The following CDK5RAP2 variants were observed in gnomAD, a reference collection of about 807,000 sequenced individuals.
The protein encoded by CDK5RAP2 is CDK5 regulatory subunit associated protein 2.
Under a neutral mutation model 232.9 loss-of-function variants are expected in CDK5RAP2, and 147 were observed. The observed-to-expected ratio is 0.63, with a 90% CI of 0.55 to 0.72. CDK5RAP2 has a LOEUF of 0.72. Ranked by LOEUF, CDK5RAP2 falls within the 30% of genes least tolerant of loss-of-function variation. The probability of loss-of-function intolerance (pLI) is 0.00; values close to 1 mark genes in which losing one functional copy is unlikely to be tolerated. For synonymous variants in CDK5RAP2, 833 were observed against 833.7 expected (o/e 1.00, Z 0.01); for missense variants, 2,195 against 2,231.5 (o/e 0.98, Z 0.33).
At chr9:120,451,842 T>C (rs2036495574) in intron 21 of CDK5RAP2, among the ~76,000 whole-genome samples, 1 of 147,750 alleles carries the variant, frequency 6.8e-6, no homozygotes, top group Non-Finnish European at 1.5e-5. Flanking sequence ...TTGAGAATAT[T>C]AAATGAGATT....
intron 20 of CDK5RAP2, among the ~76,000 whole-genome samples, chr9:120,454,187 G>A (rs1039372688): frequency 6.6e-6 from 1 of 152,190 alleles, no homozygotes; most frequent in African/African-American, 2.4e-5. Flanking sequence ...AGAAACAAAC[G>A]GGATTATAAG....
At position 120,541,449 on chromosome 9, in the gene CDK5RAP2, C is replaced by A. The variant is rs563765657; in HGVS notation, c.384-2285G>T. On this transcript the variant is annotated intron_variant, in intron 5 of 37. Coordinates refer to ENST00000349780, the MANE Select transcript of CDK5RAP2 (RefSeq NM_018249.6). ...TTATCATCTTTGTGCTTTACAGTTT[C>A]TGTGGCAATAAAATTTATACTCAGT... Among the ~76,000 whole-genome samples, 9 of 152,284 alleles carry A rather than the reference C, an allele frequency of 5.9e-5. No individual in the cohort carries two copies. In the East Asian group the frequency reaches 1.5e-3, roughly 26 times the overall value.
intron 12 of CDK5RAP2, among the ~76,000 whole-genome samples, chr9:120,514,969 G>A (rs534324244): frequency 6.6e-6 from 1 of 151,938 alleles, no homozygotes; most frequent in Non-Finnish European, 1.5e-5. Context: ...CAGTATATAC[G>A]CTTGATGTAA....
chr9:120,511,711 C>T (rs556240868), intron 12 of CDK5RAP2, among the ~76,000 whole-genome samples: 7 of 150,372 alleles, frequency 4.7e-5, no homozygotes, highest in Admixed American at 3.3e-4. Flanking sequence ...CCCTCTTTAG[C>T]ACTGTGAAGG....
chr9:120,392,922 C>T (rs1014789102), intron 36 of CDK5RAP2, among the ~76,000 whole-genome samples: 2 of 152,202 alleles, frequency 1.3e-5, no homozygotes, highest in Non-Finnish European at 1.5e-5. Flanking sequence ...TTGTAATACA[C>T]GCATGGACCC....
chr9:120,404,167 A>G (rs1352502506), intron 32 of CDK5RAP2, 54 bp from the exon 33 acceptor site: 4 of 1,136,504 alleles, frequency 3.5e-6, no homozygotes, highest in Non-Finnish European at 5.4e-6. Flanking sequence ...AGCATTCAAG[A>G]GAGAACTGAA....
intron 37 of CDK5RAP2, among the ~76,000 whole-genome samples, 196 bp downstream of exon 37, chr9:120,389,544 AT>A (rs1383337203): frequency 6.6e-6 from 1 of 152,246 alleles, no homozygotes; most frequent in Non-Finnish European, 1.5e-5. Context: ...TAGCATACAA[AT>A]TTAAAACTTA....
Position 120,541,234 on chromosome 9 carries a change from C to T in CDK5RAP2, c.384-2070G>A, listed in dbSNP as rs575058732. On this transcript the variant is annotated intron_variant, in intron 5 of 37. Coordinates refer to ENST00000349780, the MANE Select transcript of CDK5RAP2 (RefSeq NM_018249.6). ...CTTTCCCTTACCCCTCCACCCTGCC[C>T]ACCAGAGTGCAAATAGGCCGTCTCC... 5.9e-5 allele frequency among the ~76,000 whole-genome samples: 9 copies of T among 152,300 alleles called. No homozygotes were observed. The East Asian group carries it at 1.7e-3, about 29-fold the overall frequency.
chr9:120,448,973 C>T (rs1018839383), intron 21 of CDK5RAP2, among the ~76,000 whole-genome samples: 21 of 152,192 alleles, frequency 1.4e-4, no homozygotes, highest in Admixed American at 9.2e-4. Flanking sequence ...CCACTGTCCA[C>T]GCTACAGCAA....
chr9:120,472,021 T>A, intron 15 of CDK5RAP2, 143 bp from the exon 16 acceptor site: 87 of 952,706 alleles, frequency 9.1e-5, no homozygotes, highest in Middle Eastern at 3.1e-4. Flanking sequence ...CTATAGAGAA[T>A]TTTAAATACA....
At chr9:120,491,525 A>G (rs1220508525) in intron 12 of CDK5RAP2, 48 bp from the exon 13 acceptor site, 5 of 1,367,038 alleles carry the variant, frequency 3.7e-6, no homozygotes, top group Non-Finnish European at 5.2e-6. Flanking sequence ...AAAAATTTCA[A>G]TCTCTTATGT....
chr9:120,390,499 G>A (rs995815518), intron 36 of CDK5RAP2, among the ~76,000 whole-genome samples: 6 of 152,302 alleles, frequency 3.9e-5, no homozygotes, highest in African/African-American at 1.2e-4. Context: ...AAGATCCCCC[G>A]TGCATGAGAA....
intron 2 of CDK5RAP2, among the ~76,000 whole-genome samples, chr9:120,570,187 A>C (rs1447331237): frequency 6.6e-6 from 1 of 152,162 alleles, no homozygotes; most frequent in Non-Finnish European, 1.5e-5. Context: ...AGGAGTGGGC[A>C]GGGCAGACTG....
chr9:120,439,815 G>A lies in CDK5RAP2; in HGVS notation c.3306C>T (p.Ser1102=), dbSNP rs773941315. ...VSVMGTDQSE[S]INTSNETEYL... ...ATTCTGTCTCATTTGAGGTATTAAT[G>A]CTCTCTGACTGATCAGTCCCCATCA... is the stretch of plus-strand genomic sequence containing the variant. The change falls in exon 24 of 38, where the codon AGC becomes AGT. Residue 1102 remains serine, a synonymous_variant. Coordinates refer to ENST00000349780, the MANE Select transcript of CDK5RAP2 (RefSeq NM_018249.6). The A allele has an allele frequency of 6.2e-6, 10 of 1,614,116 alleles. No individual in the cohort carries two copies. Among genetic ancestry groups the A allele is most frequent in the Non-Finnish European group, 8.5e-6 (10 of 1,180,010 alleles).
At chr9:120,399,279 G>T (rs1348712824) in intron 35 of CDK5RAP2, among the ~76,000 whole-genome samples, 7 of 152,122 alleles carry the variant, frequency 4.6e-5, no homozygotes, top group Non-Finnish European at 7.4e-5. Flanking sequence ...ATGTGCTAAG[G>T]ATAAAAACAT....
chr9:120,569,019 A>G (rs1342234708), intron 2 of CDK5RAP2, among the ~76,000 whole-genome samples: 2 of 152,216 alleles, frequency 1.3e-5, no homozygotes, highest in South Asian at 4.1e-4. Context: ...CTGAACAAAC[A>G]TGTATTACAC....
intron 14 of CDK5RAP2, among the ~76,000 whole-genome samples, chr9:120,479,349 G>A (rs2038186681): frequency 6.6e-6 from 1 of 151,998 alleles, no homozygotes; most frequent in Non-Finnish European, 1.5e-5. Context: ...AAACACAAAA[G>A]GATGCTAAAA....
chr9:120,572,272 C>A (rs1332067452), intron 1 of CDK5RAP2, among the ~76,000 whole-genome samples: 1 of 152,160 alleles, frequency 6.6e-6, no homozygotes, highest in Non-Finnish European at 1.5e-5. Context: ...TTCAGTCATA[C>A]ATCAAATGTT....
chr9:120,575,113 G>A (rs781364829), intron 1 of CDK5RAP2, among the ~76,000 whole-genome samples: 4 of 152,008 alleles, frequency 2.6e-5, no homozygotes, highest in Admixed American at 1.3e-4. Flanking sequence ...GTGCAGTGGC[G>A]TGATCTCAGC....
Sources: gnomAD v4.1 joint callset for allele counts (sites outside exome capture counted in the v4.1 genomes callset) on GRCh38, gnomAD v4.1.1 for gene constraint, MANE v1.5 for transcripts, NCBI Gene and HGNC (gene_info 2026-07-23, HGNC 2026-07-21) for gene names.